The following KIF26B variants were observed in gnomAD, a reference collection of about 807,000 sequenced individuals.
The protein encoded by KIF26B is kinesin-like protein KIF26B.
In KIF26B, 63 loss-of-function variants were observed where a neutral mutation model predicts 151.2. The ratio of observed to expected loss-of-function variants is 0.42; its 90% CI spans 0.34 to 0.51. The LOEUF (loss-of-function observed/expected upper bound fraction) is 0.51. KIF26B is among the 20% of genes least tolerant of loss of function. The pLI is 0.07. For missense variants in KIF26B, 2,813 were observed against 2,913.6 expected, an observed-to-expected ratio of 0.97 and a Z score of 0.79; for synonymous variants, 1,357 against 1,262.1, an observed-to-expected ratio of 1.08 and a Z score of -1.59.
At chr1:245,279,891 C>T (rs369821548) in intron 2 of KIF26B, among the ~76,000 whole-genome samples, 4 of 151,998 alleles carry the variant, frequency 2.6e-5, no homozygotes, top group Admixed American at 2.0e-4. Flanking sequence ...TTGACTCCCT[C>T]GTAAATCTTT....
intron 4 of KIF26B, among the ~76,000 whole-genome samples, chr1:245,518,777 G>A (rs1332497200): frequency 6.6e-6 from 1 of 152,164 alleles, no homozygotes; most frequent in Non-Finnish European, 1.5e-5. Flanking sequence ...CAGAGCAATA[G>A]CATTTCAGAG....
In KIF26B at chr1:245,156,611, C is replaced by G; in HGVS notation, c.393C>G (p.Asn131Lys). ...PGSDRGVWCE[N>K]CNARLVELKR... ...CGGACCGCGGCGTCTGGTGCGAGAA[C>G]TGCAACGCCCGCCTGGTGGAGCTCA... The change falls in exon 2 of 15, where the codon AAC becomes AAG. Residue 131 changes from asparagine to lysine, a missense_variant. Transcript: ENST00000407071. The G allele has an allele frequency of 1.3e-6, 2 of 1,525,580 alleles. No individual in the cohort carries two copies. Among genetic ancestry groups the G allele is most frequent in the Non-Finnish European group, 8.7e-7 (1 of 1,143,166 alleles). The allele number at this position is 1,525,580 out of a possible 1,614,324, so 94.5% of individuals were successfully genotyped here.
chr1:245,574,864 CTTTTTTTTTTTTT>C (rs201010492), intron 5 of KIF26B, among the ~76,000 whole-genome samples: 10,903 of 126,298 alleles, frequency 0.086, 576 homozygotes, highest in East Asian at 0.22. Context: ...TTTTTTTTTT[CTTTTTTTTTTTTT>C]TTTTGAGACA....
intron 2 of KIF26B, among the ~76,000 whole-genome samples, chr1:245,310,742 G>A (rs1051633608): frequency 2.0e-5 from 3 of 152,208 alleles, no homozygotes; most frequent in African/African-American, 4.8e-5. Context: ...GCAGCAACGC[G>A]GGACGATGGG....
chr1:245,557,051 C>T (rs1278548165), intron 5 of KIF26B, among the ~76,000 whole-genome samples: 1 of 152,192 alleles, frequency 6.6e-6, no homozygotes, highest in African/African-American at 2.4e-5. Flanking sequence ...GTGCTAACTT[C>T]CTGTGTCGCC....
In KIF26B at chr1:245,578,342, C is replaced by T. The variant is rs565359906; in HGVS notation, c.1351-24235C>T. Among the ~76,000 whole-genome samples the T allele has an allele frequency of 4.6e-5, 7 of 152,370 alleles. No individual in the cohort carries two copies. The South Asian group carries it at 1.4e-3, about 32-fold the overall frequency. Reference sequence around the variant, plus strand: ...GACTCGTTCTCAGCCAGGTAGACATCAGCTTGGGTCTGACCCCCATCCTTG... The same window carrying T: ...GACTCGTTCTCAGCCAGGTAGACATTAGCTTGGGTCTGACCCCCATCCTTG... On this transcript the variant is annotated intron_variant, in intron 5 of 14. Transcript: ENST00000407071.
At chr1:245,627,071 A>G (rs905561768) in intron 9 of KIF26B, among the ~76,000 whole-genome samples, 1 of 152,080 alleles carries the variant, frequency 6.6e-6, no homozygotes, top group Non-Finnish European at 1.5e-5. Flanking sequence ...TAGGTTCTCT[A>G]TTGTGTCCCA....
At chr1:245,215,646 G>A (rs1669628718) in intron 2 of KIF26B, among the ~76,000 whole-genome samples, 2 of 152,186 alleles carry the variant, frequency 1.3e-5, no homozygotes, top group African/African-American at 4.8e-5. Flanking sequence ...TGTGGAAAAT[G>A]GAATCGAAGC....
At chr1:245,283,960 A>G (rs1671115544) in intron 2 of KIF26B, among the ~76,000 whole-genome samples, 1 of 152,216 alleles carries the variant, frequency 6.6e-6, no homozygotes. Context: ...TGCTGGGATT[A>G]CAGGCGTGAG....
intron 2 of KIF26B, among the ~76,000 whole-genome samples, chr1:245,271,822 T>C (rs1405210274): frequency 6.6e-6 from 1 of 152,182 alleles, no homozygotes; most frequent in Non-Finnish European, 1.5e-5. Flanking sequence ...AGTTTTCTTT[T>C]CTTGTAGTGT....
intron 8 of KIF26B, among the ~76,000 whole-genome samples, chr1:245,611,348 A>C (rs927586896): frequency 3.9e-5 from 6 of 152,214 alleles, no homozygotes; most frequent in African/African-American, 7.2e-5. Context: ...CACTGCTATG[A>C]GGCCTCAAAT....
At chr1:245,622,475 G>A (rs987319430) in intron 9 of KIF26B, among the ~76,000 whole-genome samples, 3 of 152,114 alleles carry the variant, frequency 2.0e-5, no homozygotes, top group Non-Finnish European at 4.4e-5. Flanking sequence ...CTTGTCCTTC[G>A]GGCTCTTCTG....
chr1:245,410,088 C>T lies in KIF26B; in HGVS notation c.1000-9491C>T, dbSNP rs952724254. On this transcript the variant is annotated intron_variant, in intron 3 of 14. Transcript: ENST00000407071. ...ATGCAAGTATAAAGAAATCAGATGA[C>T]GTTTAACCAAAGAGTTGGGTTTGTG... 1.2e-4 allele frequency among the ~76,000 whole-genome samples: 18 copies of T among 152,308 alleles called. No homozygotes were observed. The East Asian group carries it at 2.7e-3, about 23-fold the overall frequency.
intron 2 of KIF26B, among the ~76,000 whole-genome samples, chr1:245,253,033 G>T (rs1289322472): frequency 7.0e-6 from 1 of 141,872 alleles, no homozygotes; most frequent in Non-Finnish European, 1.5e-5. Context: ...TTTTTGAGAC[G>T]GAGTCTTGCT....
At chr1:245,219,255 C>T (rs1322742117) in intron 2 of KIF26B, among the ~76,000 whole-genome samples, 2 of 150,972 alleles carry the variant, frequency 1.3e-5, no homozygotes, top group Non-Finnish European at 2.9e-5. Context: ...TCTCTCGCCT[C>T]AGCCTCCCGA....
rs1410774222 is a variant in KIF26B, at chr1:245,688,217, C to T, written c.5234C>T (p.Ala1745Val). The change falls in exon 12 of 15, where the codon GCG (alanine) becomes GTG (valine). Residue 1745 changes from alanine to valine, a missense_variant. Ala to Val is a moderately conservative substitution (Grantham distance 64). Coordinates refer to ENST00000407071, the MANE Select transcript of KIF26B (RefSeq NM_018012.4). ...AGACTCCTCCTGGCCAGCCCCAGAG[C>T]GCGCGGCCCGTCCGCCTCCACCACC... ...VSRLLLASPR[A>V]RGPSASTTKT... 16 of 1,587,938 alleles carry T rather than the reference C, an allele frequency of 1.0e-5. No homozygotes were observed. The highest frequency in any genetic ancestry group is 8.4e-5 in the Admixed American group (5 of 59,222).
At chr1:245,699,127 G>A in intron 14 of KIF26B, 90 bp downstream of exon 14, 1 of 1,346,616 alleles carries the variant, frequency 7.4e-7, no homozygotes, top group Non-Finnish European at 1.0e-6. Context: ...AGTGACACAG[G>A]CTGTGTCCTC....
chr1:245,318,713 A>G lies in KIF26B; in HGVS notation c.466-48121A>G, dbSNP rs1671826918. On this transcript the variant is annotated intron_variant, in intron 2 of 14. Coordinates refer to ENST00000407071, the MANE Select transcript of KIF26B (RefSeq NM_018012.4). This position sits in a 1 kb window ranked among gnomAD's most constrained non-coding sequence, Gnocchi z 4.0. ...TGGCTCTGAAAACTTTGCAAACTGTACATAACTCAATTCCCCAGGCTGCTG... is the reference window on the plus strand; with the variant it reads ...TGGCTCTGAAAACTTTGCAAACTGTGCATAACTCAATTCCCCAGGCTGCTG... 1.3e-5 allele frequency among the ~76,000 whole-genome samples: 2 copies of G among 152,130 alleles called. No homozygotes were observed. The highest frequency in any genetic ancestry group is 3.2e-3 in the Middle Eastern group (1 of 316).
chr1:245,367,267 A>G lies in KIF26B; in HGVS notation c.899A>G (p.Asn300Ser). 6.2e-7 allele frequency: 1 copy of G among 1,606,078 alleles called. No individual in the cohort carries two copies. The highest frequency in any genetic ancestry group is 8.5e-7 in the Non-Finnish European group (1 of 1,176,342). ...CTCCAGATGGCCACCAGTCCAAGCAATGGGAACATCCTCAATTCGGTGGCC... is the reference window on the plus strand; with the variant it reads ...CTCCAGATGGCCACCAGTCCAAGCAGTGGGAACATCCTCAATTCGGTGGCC... ...VSLQMATSPS[N>S]GNILNSVAIQ... The change falls in exon 3 of 15, where the codon AAT (asparagine) becomes AGT (serine). Residue 300 changes from asparagine (N) to serine (S), a missense_variant. Coordinates refer to ENST00000407071, the MANE Select transcript of KIF26B (RefSeq NM_018012.4). This position sits in a 1 kb window ranked among gnomAD's most constrained non-coding sequence, Gnocchi z 4.2.
Sources: allele counts gnomAD v4.1 joint callset (sites outside exome capture counted in the v4.1 genomes callset), GRCh38; gene constraint gnomAD v4.1.1; non-coding constraint Gnocchi (gnomAD v3.1); transcripts MANE v1.5; gene names NCBI Gene and HGNC (gene_info 2026-07-23, HGNC 2026-07-21).